The following PTPRD variants were observed in gnomAD, a reference collection of about 807,000 sequenced individuals.
The protein encoded by PTPRD is receptor-type tyrosine-protein phosphatase delta.
Under a neutral mutation model 214.5 loss-of-function variants are expected in PTPRD, and 34 were observed. The observed-to-expected ratio is 0.16, with a 90% CI of 0.12 to 0.21. The LOEUF is 0.21. Among genes scored for constraint, PTPRD ranks in the 10% least tolerant of loss-of-function variants. The probability of loss-of-function intolerance (pLI) is 1.00; values close to 1 mark genes in which losing one functional copy is unlikely to be tolerated. For synonymous variants in PTPRD, 1,128 were observed against 845.7 expected (o/e 1.33, Z -5.79); for missense variants, 2,545 against 2,398.7 (o/e 1.06, Z -1.27).
At chr9:9,143,569 C>T (rs1033372642) in intron 10 of PTPRD, among the ~76,000 whole-genome samples, 7 of 151,948 alleles carry the variant, frequency 4.6e-5, no homozygotes, top group African/African-American at 9.7e-5. Flanking sequence ...TTTTAAAGAC[C>T]GAATGTTTTC....
chr9:9,828,889 T>C (rs1260721724), intron 5 of PTPRD, among the ~76,000 whole-genome samples: 2 of 151,892 alleles, frequency 1.3e-5, no homozygotes, highest in Admixed American at 1.3e-4. Context: ...TTTAACTCTA[T>C]CTTTATATAT....
intron 2 of PTPRD, among the ~76,000 whole-genome samples, chr9:10,385,452 C>CTA (rs2097898275): frequency 6.6e-6 from 1 of 151,676 alleles, no homozygotes; most frequent in Non-Finnish European, 1.5e-5. Flanking sequence ...AAAAATGTAT[C>CTA]TATATACTGA....
At chr9:9,595,313 ATATATATTT>A (rs1563936711) in intron 7 of PTPRD, among the ~76,000 whole-genome samples, 2,381 of 141,374 alleles carry the variant, frequency 0.017, 73 homozygotes, top group African/African-American at 0.062. Flanking sequence ...TATATATATT[ATATATATTT>A]TATATATATA....
chr9:10,150,757 G>A (rs1241608403), intron 3 of PTPRD, among the ~76,000 whole-genome samples: 3 of 151,772 alleles, frequency 2.0e-5, no homozygotes, highest in African/African-American at 7.3e-5. Flanking sequence ...CAGTGGCATG[G>A]AGTACAAGGT....
chr9:8,579,490 C>G (rs1446932335), intron 14 of PTPRD, among the ~76,000 whole-genome samples: 2 of 152,166 alleles, frequency 1.3e-5, no homozygotes, highest in Non-Finnish European at 2.9e-5. Context: ...TTCACACTGA[C>G]ATTTATTGAT....
intron 6 of PTPRD, among the ~76,000 whole-genome samples, chr9:9,738,217 C>T (rs12238802): frequency 2.0e-5 from 3 of 151,878 alleles, no homozygotes; most frequent in Non-Finnish European, 2.9e-5. Flanking sequence ...CAAACCTGCA[C>T]GTTGTGCACA....
chr9:9,304,283 T>C (rs1047405861), intron 9 of PTPRD, among the ~76,000 whole-genome samples: 9 of 152,102 alleles, frequency 5.9e-5, no homozygotes, highest in Admixed American at 2.0e-4. Context: ...TGGGGAGTCA[T>C]AGGTGAAAAA....
At chr9:8,390,785 C>T (rs1467317207) in intron 36 of PTPRD, among the ~76,000 whole-genome samples, 2 of 152,086 alleles carry the variant, frequency 1.3e-5, no homozygotes, top group African/African-American at 4.8e-5. Context: ...ATGAAAGCTA[C>T]TCCATAAGAG....
At chr9:10,403,227 AAT>A (rs58712564) in intron 2 of PTPRD, among the ~76,000 whole-genome samples, 2,792 of 59,854 alleles carry the variant, frequency 0.047, 104 homozygotes, top group Middle Eastern at 0.067. Flanking sequence ...TGTGTGTGTA[AAT>A]ATATATATAT....
At chr9:10,047,610 C>T (rs1245992785) in intron 3 of PTPRD, among the ~76,000 whole-genome samples, 1 of 151,976 alleles carries the variant, frequency 6.6e-6, no homozygotes, top group Non-Finnish European at 1.5e-5. Context: ...AACATTTATA[C>T]CCCTGCCAAA....
At chr9:10,524,297 C>T (rs2053545763) in intron 2 of PTPRD, among the ~76,000 whole-genome samples, 1 of 152,008 alleles carries the variant, frequency 6.6e-6, no homozygotes, top group South Asian at 2.1e-4. Flanking sequence ...TGTTCCGAGG[C>T]AGCGCAAAAT....
chr9:10,231,983 AGAGAGAGTGT>A lies in PTPRD; in HGVS notation c.-545+108970_-545+108979del, dbSNP rs1410811536. The stretch of plus-strand genomic sequence containing the variant: ...GAGAGAGAGAGAGAGAGAGAGAGAG[AGAGAGAGTGT>A]GTGTGTGTGTGTGTGTGTGTGTGTG... On this transcript the variant is annotated intron_variant, in intron 3 of 45. Coordinates refer to ENST00000381196, the MANE Select transcript of PTPRD (RefSeq NM_002839.4). Among the ~76,000 whole-genome samples, 385 of 97,144 alleles carry A rather than the reference AGAGAGAGTGT, an allele frequency of 4.0e-3. 1 individual carries two copies. The highest frequency in any genetic ancestry group is 0.015 in the African/African-American group (352 of 23,696). The allele number at this position is 97,144 out of a possible 152,430, so 63.7% of individuals were successfully genotyped here. A position where few individuals can be genotyped will look rare whatever the true frequency, so the allele number is the denominator to read the frequency against.
In PTPRD at chr9:8,508,303, C is replaced by G. The variant is rs745681994; in HGVS notation, c.1544-869G>C. Among the ~76,000 whole-genome samples, 10 of 152,308 alleles carry G rather than the reference C, an allele frequency of 6.6e-5. No individual in the cohort carries two copies. In the East Asian group the frequency reaches 1.9e-3, roughly 29 times the overall value. On this transcript the variant is annotated intron_variant, in intron 21 of 45. Coordinates refer to ENST00000381196, the MANE Select transcript of PTPRD (RefSeq NM_002839.4). ...GTTTAAAACACCTTACTCAAATGAACTAGAATAATTAGTAACCTAAACTTT... is the reference window on the plus strand; with the variant it reads ...GTTTAAAACACCTTACTCAAATGAAGTAGAATAATTAGTAACCTAAACTTT...
At chr9:8,861,058 T>C (rs1475112203) in intron 11 of PTPRD, 1 of 152,206 alleles carries the variant, frequency 6.6e-6, no homozygotes, top group African/African-American at 2.4e-5. Context: ...CTGTGATAAA[T>C]AGCACACAGG....
intron 7 of PTPRD, among the ~76,000 whole-genome samples, chr9:9,647,209 T>C (rs2096214690): frequency 6.6e-6 from 1 of 152,206 alleles, no homozygotes; most frequent in African/African-American, 2.4e-5. Flanking sequence ...ATTCATTTCC[T>C]TCTCAAATGT....
chr9:8,953,933 G>C (rs10977397), intron 11 of PTPRD, among the ~76,000 whole-genome samples: 1 of 151,902 alleles, frequency 6.6e-6, no homozygotes, highest in East Asian at 1.9e-4. Context: ...AAAGCAGTTT[G>C]GGGATTTCTT....
chr9:8,740,281 T>C (rs7019648), intron 11 of PTPRD, among the ~76,000 whole-genome samples: 11,139 of 152,190 alleles, frequency 0.073, 1,092 homozygotes, highest in African/African-American at 0.23. Context: ...GGAAAAATTA[T>C]GTTAAAGATG....
intron 8 of PTPRD, among the ~76,000 whole-genome samples, chr9:9,519,745 G>T (rs540344236): frequency 3.3e-4 from 50 of 152,050 alleles, no homozygotes. Flanking sequence ...TTCATCAATT[G>T]AAAGACTCAA....
intron 2 of PTPRD, among the ~76,000 whole-genome samples, chr9:10,590,548 A>T (rs1266850279): frequency 6.6e-6 from 1 of 152,086 alleles, no homozygotes; most frequent in Non-Finnish European, 1.5e-5. Context: ...TTAGAACTTC[A>T]TATTAATAAA....
Sources: allele counts gnomAD v4.1 joint callset (sites outside exome capture counted in the v4.1 genomes callset), GRCh38; gene constraint gnomAD v4.1.1; transcripts MANE v1.5; gene names NCBI Gene and HGNC (gene_info 2026-07-23, HGNC 2026-07-21).